The following GABPB1 variants were observed in gnomAD, a reference collection of about 807,000 sequenced individuals.
GABPB1 encodes the protein GA binding protein transcription factor subunit beta 1.
In GABPB1, 15 loss-of-function variants were observed where a neutral mutation model predicts 45.9. The ratio of observed to expected loss-of-function variants is 0.33; its 90% confidence interval spans 0.22 to 0.50. GABPB1 has a LOEUF of 0.50. Among genes scored for constraint, GABPB1 ranks in the 20% least tolerant of loss-of-function variants. GABPB1 has a pLI of 0.98. For missense variants in GABPB1, 252 were observed against 457.5 expected (o/e 0.55, Z 4.10); for synonymous variants, 143 against 154.4 (o/e 0.93, Z 0.55).
At chr15:50,313,119 A>G (rs1275180135) in intron 1 of GABPB1, among the ~76,000 whole-genome samples, 3 of 152,306 alleles carry the variant, frequency 2.0e-5, no homozygotes, top group African/African-American at 7.2e-5. Flanking sequence ...TGACTAGAAG[A>G]AACATTCATG....
intron 1 of GABPB1, among the ~76,000 whole-genome samples, chr15:50,312,223 C>CAA (rs914146796): frequency 7.5e-6 from 1 of 133,926 alleles, no homozygotes; most frequent in African/African-American, 2.8e-5. Flanking sequence ...GACTCCATCT[C>CAA]AAAAAAAAAA....
At chr15:50,292,905 C>CCAAG (rs2046397703) in intron 6 of GABPB1, among the ~76,000 whole-genome samples, 1 of 151,044 alleles carries the variant, frequency 6.6e-6, no homozygotes, top group Non-Finnish European at 1.5e-5. Flanking sequence ...TATGGGCATG[C>CCAAG]CAAGATGTTA....
intron 6 of GABPB1, among the ~76,000 whole-genome samples, chr15:50,295,788 C>T (rs1026881036): frequency 1.3e-5 from 2 of 152,082 alleles, no homozygotes; most frequent in African/African-American, 4.8e-5. Context: ...ACCCCCAACT[C>T]CAGCTAAAAG....
intron 1 of GABPB1, chr15:50,350,068 T>A (rs927818354): frequency 6.6e-6 from 1 of 152,144 alleles, no homozygotes; most frequent in African/African-American, 2.4e-5. Flanking sequence ...ATCATTTTCA[T>A]GGCTGAGAAG....
intron 1 of GABPB1, among the ~76,000 whole-genome samples, chr15:50,343,887 G>A (rs1162674690): frequency 6.6e-6 from 1 of 152,152 alleles, no homozygotes; most frequent in Non-Finnish European, 1.5e-5. Flanking sequence ...TAATTACCAT[G>A]TAAGATATAT....
At chr15:50,301,214 T>C in intron 5 of GABPB1, 43 bp downstream of exon 5, 1 of 1,612,440 alleles carries the variant, frequency 6.2e-7, no homozygotes, top group Non-Finnish European at 8.5e-7. Context: ...TATATGCATC[T>C]CAATACCTGT....
chr15:50,325,331 T>C (rs2047712856), intron 1 of GABPB1, among the ~76,000 whole-genome samples: 1 of 146,524 alleles, frequency 6.8e-6, no homozygotes, highest in Non-Finnish European at 1.5e-5. Context: ...AAGGCACGGC[T>C]AAAAGCCAGA....
intron 2 of GABPB1, among the ~76,000 whole-genome samples, chr15:50,307,940 CCT>C (rs769615677): frequency 1.3e-5 from 2 of 152,036 alleles, no homozygotes; most frequent in Non-Finnish European, 2.9e-5. Flanking sequence ...CTCACATGAT[CCT>C]TCATGATTCC....
rs2046696235 is a variant in GABPB1 at position 50,300,444 on chromosome 15, T to TTTTTTTTTTG, written c.697+344_697+345insCAAAAAAAAA. 4.9e-5 allele frequency among the ~76,000 whole-genome samples: 6 copies of TTTTTTTTTTG among 121,308 alleles called. 1 individual carries two copies. Among genetic ancestry groups the TTTTTTTTTTG allele is most frequent in the Non-Finnish European group, 1.8e-5 (1 of 54,082 alleles). The allele number at this position is 121,308 out of a possible 152,430, so 79.6% of individuals were successfully genotyped here. A position where few individuals can be genotyped will look rare whatever the true frequency, so the allele number is the denominator to read the frequency against. On this transcript the variant is annotated intron_variant, in intron 6 of 8. Coordinates refer to ENST00000380877, the MANE Select transcript of GABPB1 (RefSeq NM_016654.5). Reference sequence around the variant, plus strand: ...ATCTGCAACTGTTTTTGGTTTTTTTTTTTTTTTTTTTTTTTTGAGACAGAG... The same window carrying TTTTTTTTTTG: ...ATCTGCAACTGTTTTTGGTTTTTTTTTTTTTTTTTGTTTTTTTTTTTTTTTTGAGACAGAG...
chr15:50,314,877 T>C (rs1378665242), intron 1 of GABPB1, among the ~76,000 whole-genome samples: 1 of 152,260 alleles, frequency 6.6e-6, no homozygotes, highest in Non-Finnish European at 1.5e-5. Flanking sequence ...TTGGAAATCA[T>C]GTCAATGCCA....
intron 6 of GABPB1, among the ~76,000 whole-genome samples, chr15:50,295,326 T>G (rs2046474829): frequency 6.6e-6 from 1 of 152,212 alleles, no homozygotes; most frequent in African/African-American, 2.4e-5. Context: ...ACTCTTCCAC[T>G]TACTGGGTTT....
chr15:50,354,927 C>T (rs1257277831), intron 1 of GABPB1, 58 bp downstream of exon 1: 1 of 213,468 alleles, frequency 4.7e-6, no homozygotes, highest in East Asian at 1.9e-4. Context: ...TTTTTACCAG[C>T]GAAGAGATCA....
At position 50,334,813 on chromosome 15, in the gene GABPB1, T is replaced by A. The variant is rs2048065314; in HGVS notation, c.-1+20172A>T. ...GCCACTTAAAAACAATCATTTCCTGTTCCCTATTCTCAAATTTGTCACTTA... is the reference window on the plus strand; with the variant it reads ...GCCACTTAAAAACAATCATTTCCTGATCCCTATTCTCAAATTTGTCACTTA... On this transcript the variant is annotated intron_variant, in intron 1 of 8. Coordinates refer to ENST00000380877, the MANE Select transcript of GABPB1 (RefSeq NM_016654.5). Among the ~76,000 whole-genome samples the A allele has an allele frequency of 1.3e-5, 2 of 152,226 alleles. 1 individual carries two copies. The highest frequency in any genetic ancestry group is 2.9e-5 in the Non-Finnish European group (2 of 68,036).
intron 6 of GABPB1, among the ~76,000 whole-genome samples, chr15:50,290,066 G>A (rs1220117436): frequency 6.6e-6 from 1 of 151,968 alleles, no homozygotes; most frequent in African/African-American, 2.4e-5. Flanking sequence ...CACCACACCT[G>A]GTCCCCTGCT....
rs1413994124 is a variant in GABPB1 at position 50,277,571 on chromosome 15, C to A, written c.*1061G>T. 1 of 152,292 alleles carries A rather than the reference C, an allele frequency of 6.6e-6. No homozygotes were observed. The highest frequency in any genetic ancestry group is 6.5e-5 in the Admixed American group (1 of 15,282). 9.4% of individuals were successfully genotyped at this position (152,292 alleles called of 1,614,324 possible). ...AAGGAAAAGTAGAAGTTACATTAGA[C>A]ATGTCTATTGCATCACTGTAATACA... On this transcript the variant is annotated 3_prime_UTR_variant, in exon 9 of 9. Coordinates refer to ENST00000380877, the MANE Select transcript of GABPB1 (RefSeq NM_016654.5).
At chr15:50,349,001 A>G (rs1042105238) in intron 1 of GABPB1, 1 of 152,198 alleles carries the variant, frequency 6.6e-6, no homozygotes, top group African/African-American at 2.4e-5. Flanking sequence ...AAATACCATG[A>G]AAAGATGTTT....
At chr15:50,333,220 G>C (rs1188097641) in intron 1 of GABPB1, among the ~76,000 whole-genome samples, 9 of 152,124 alleles carry the variant, frequency 5.9e-5, no homozygotes, top group African/African-American at 2.2e-4. Flanking sequence ...AATCCCAGCA[G>C]TCTGTAGGAC....
intron 6 of GABPB1, among the ~76,000 whole-genome samples, chr15:50,298,212 C>A (rs1403270825): frequency 6.6e-6 from 1 of 152,158 alleles, no homozygotes; most frequent in Non-Finnish European, 1.5e-5. Flanking sequence ...CCACCTCAGC[C>A]TCCCAAGTAG....
chr15:50,342,425 G>A (rs561556428), intron 1 of GABPB1, among the ~76,000 whole-genome samples: 1 of 151,878 alleles, frequency 6.6e-6, no homozygotes, highest in South Asian at 2.1e-4. Context: ...CTCAACAGAT[G>A]TTTGCTAAAT....
Sources: allele counts gnomAD v4.1 joint callset (sites outside exome capture counted in the v4.1 genomes callset), GRCh38; gene constraint gnomAD v4.1.1; transcripts MANE v1.5; gene names NCBI Gene and HGNC (gene_info 2026-07-23, HGNC 2026-07-21).